The following ANKS1A variants were observed in gnomAD, a reference collection of about 807,000 sequenced individuals.
ANKS1A encodes ankyrin repeat and SAM domain-containing protein 1A.
A neutral mutation model predicts 120.3 loss-of-function variants in ANKS1A; 55 were observed. That is an observed-to-expected ratio of 0.46 (90% CI 0.37 to 0.57). The LOEUF is 0.57. Among genes scored for constraint, ANKS1A ranks in the 20% least tolerant of loss-of-function variants. ANKS1A has a pLI of 0.00. For synonymous variants in ANKS1A, 590 were observed against 604.7 expected (o/e 0.98, Z 0.36); for missense variants, 1,123 against 1,480.3 (o/e 0.76, Z 3.96).
At chr6:35,063,021 TTGTGA>T (rs930361612) in intron 13 of ANKS1A, among the ~76,000 whole-genome samples, 4 of 152,328 alleles carry the variant, frequency 2.6e-5, no homozygotes, top group African/African-American at 9.6e-5. Context: ...TATTCTCCTC[TTGTGA>T]TGTGGTGATT....
Position 34,981,852 on chromosome 6 carries a change from A to G in ANKS1A, c.598A>G (p.Met200Val). ...ALYGRLEVVKMLLNAHPNLLS... is the reference protein window; with the variant it reads ...ALYGRLEVVKVLLNAHPNLLS... ...GTACGGGCGACTGGAGGTGGTGAAA[A>G]TGCTCCTTAATGCACACCCCAACCT... The change falls in exon 4 of 24, where the codon ATG becomes GTG. Residue 200 changes from methionine (M) to valine (V), a missense_variant. Met to Val is a conservative substitution (Grantham distance 21). Transcript: ENST00000360359. 6.2e-7 allele frequency: 1 copy of G among 1,614,046 alleles called. No individual in the cohort carries two copies. Among genetic ancestry groups the G allele is most frequent in the Non-Finnish European group, 8.5e-7 (1 of 1,180,012 alleles).
intron 11 of ANKS1A, among the ~76,000 whole-genome samples, chr6:35,031,829 A>G (rs1055732718): frequency 1.3e-5 from 2 of 152,200 alleles, no homozygotes; most frequent in African/African-American, 4.8e-5. Flanking sequence ...CCCAGCCTCT[A>G]TAACTGGCCT....
chr6:34,990,793 T>A (rs941488010), intron 9 of ANKS1A, among the ~76,000 whole-genome samples: 70 of 152,174 alleles, frequency 4.6e-4, no homozygotes, highest in African/African-American at 1.7e-3. Context: ...TTCTAAAACT[T>A]GCTTCTGAAT....
At chr6:35,077,495 G>A (rs937068365) in intron 13 of ANKS1A, among the ~76,000 whole-genome samples, 6 of 152,238 alleles carry the variant, frequency 3.9e-5, no homozygotes, top group African/African-American at 9.6e-5. Flanking sequence ...AGGCCTGTCT[G>A]TGCCCAGCGG....
At position 34,985,298 on chromosome 6, in the gene ANKS1A, C is replaced by T. The variant is rs765422628; in HGVS notation, c.1209+20C>T. 1.2e-6 allele frequency: 2 copies of T among 1,609,172 alleles called. No homozygotes were observed. The highest frequency in any genetic ancestry group is 2.2e-5 in the South Asian group (2 of 90,380). On this transcript the variant is annotated intron_variant, in intron 8 of 23. Coordinates refer to ENST00000360359, the MANE Select transcript of ANKS1A (RefSeq NM_015245.3). ...AGGCCTGTATGTGACCCGGGGCTTACACCTCCTGGGGGCTGTGTTGGCTGG... is the reference window on the plus strand; with the variant it reads ...AGGCCTGTATGTGACCCGGGGCTTATACCTCCTGGGGGCTGTGTTGGCTGG...
rs1331352595 is a variant in ANKS1A at position 34,889,378 on chromosome 6, G to T, written c.-25G>T. 4.8e-6 allele frequency: 6 copies of T among 1,256,850 alleles called. No homozygotes were observed. Among genetic ancestry groups the T allele is most frequent in the Non-Finnish European group, 6.0e-6 (6 of 1,003,388 alleles). 77.9% of individuals were successfully genotyped at this position (1,256,850 alleles called of 1,614,324 possible). Reference sequence around the variant, plus strand: ...GGCTCGGCTGCAGCCTCGGGGAGGGGGTCCAGCGGGTGGCGGCCCTGGGGA... The same window carrying T: ...GGCTCGGCTGCAGCCTCGGGGAGGGTGTCCAGCGGGTGGCGGCCCTGGGGA... On this transcript the variant is annotated 5_prime_UTR_variant, in exon 1 of 24. Transcript: ENST00000360359. This position sits in a 1 kb window ranked among gnomAD's most constrained non-coding sequence, Gnocchi z 5.5.
chr6:34,928,667 T>C (rs1418757276), intron 1 of ANKS1A, among the ~76,000 whole-genome samples: 1 of 152,140 alleles, frequency 6.6e-6, no homozygotes, highest in Non-Finnish European at 1.5e-5. Flanking sequence ...ATGAGGAAAT[T>C]GAGGCACAGC....
At chr6:34,973,914 C>T (rs1329926721) in intron 3 of ANKS1A, among the ~76,000 whole-genome samples, 1 of 68,560 alleles carries the variant, frequency 1.5e-5, no homozygotes, top group Non-Finnish European at 2.8e-5. Context: ...CCTTCCCCTT[C>T]CCTTCCCCTT....
At chr6:35,062,197 C>A (rs1776543314) in intron 13 of ANKS1A, among the ~76,000 whole-genome samples, 1 of 152,212 alleles carries the variant, frequency 6.6e-6, no homozygotes, top group East Asian at 1.9e-4. Flanking sequence ...GCAGCTCAGT[C>A]CTTCCAGGGG....
In ANKS1A at chr6:35,060,726, A is replaced by T. The variant is rs778343649; in HGVS notation, c.2184+473A>T. Among the ~76,000 whole-genome samples, 55 of 152,310 alleles carry T rather than the reference A, an allele frequency of 3.6e-4. No homozygotes were observed. The highest frequency in any genetic ancestry group is 5.0e-4 in the Non-Finnish European group (34 of 68,026). On this transcript the variant is annotated intron_variant, in intron 13 of 23. Transcript: ENST00000360359. The surrounding 1 kb of genome is among the most constrained non-coding windows in gnomAD (Gnocchi z 4.5). ...GCCTTATATACCCGTGGCCTCAGAGATGGCCCAGAGGAAAGGCTGAGTTGA... is the reference window on the plus strand; with the variant it reads ...GCCTTATATACCCGTGGCCTCAGAGTTGGCCCAGAGGAAAGGCTGAGTTGA...
At chr6:35,002,823 T>G (rs1773242203) in intron 10 of ANKS1A, among the ~76,000 whole-genome samples, 1 of 151,904 alleles carries the variant, frequency 6.6e-6, no homozygotes, top group Non-Finnish European at 1.5e-5. Flanking sequence ...GTAGGATGAC[T>G]TAGTTGCCTA....
chr6:35,076,752 C>T (rs1777378009), intron 13 of ANKS1A, among the ~76,000 whole-genome samples: 1 of 152,130 alleles, frequency 6.6e-6, no homozygotes. Flanking sequence ...GCCTCAGCCT[C>T]CCGAGTAGCT....
chr6:35,085,992 G>C lies in ANKS1A; in HGVS notation c.3303+56G>C. 6.6e-7 allele frequency: 1 copy of C among 1,525,698 alleles called. No individual in the cohort carries two copies. Among genetic ancestry groups the C allele is most frequent in the African/African-American group, 1.4e-5 (1 of 72,660 alleles). 94.5% of individuals were successfully genotyped at this position (1,525,698 alleles called of 1,614,324 possible). A position where few individuals can be genotyped will look rare whatever the true frequency, so the allele number is the denominator to read the frequency against. On this transcript the variant is annotated intron_variant, in intron 22 of 23. Transcript: ENST00000360359. The surrounding 1 kb of genome is among the most constrained non-coding windows in gnomAD (Gnocchi z 4.7). ...TCTCCCTGGCCCCAGGGATTCAAGG[G>C]CTCAGGGTGGTCAGCGTGAGGAGGG...
chr6:34,980,370 G>A (rs895624801), intron 3 of ANKS1A, among the ~76,000 whole-genome samples: 12 of 152,064 alleles, frequency 7.9e-5, no homozygotes, highest in African/African-American at 2.7e-4. Flanking sequence ...CTTTGCCATC[G>A]TTCTCACCTT....
intron 1 of ANKS1A, among the ~76,000 whole-genome samples, chr6:34,910,344 T>G (rs939986481): frequency 2.0e-5 from 3 of 152,062 alleles, no homozygotes; most frequent in African/African-American, 7.2e-5. Flanking sequence ...GCGAGAGGAT[T>G]GCTCGAGCTC....
intron 1 of ANKS1A, among the ~76,000 whole-genome samples, chr6:34,957,372 G>T (rs1770425863): frequency 6.6e-6 from 1 of 152,166 alleles, no homozygotes; most frequent in South Asian, 2.1e-4. Flanking sequence ...CAACTGTTAA[G>T]TATGTAGAAA....
At chr6:35,078,266 A>G (rs1777469275) in intron 13 of ANKS1A, among the ~76,000 whole-genome samples, 3 of 152,012 alleles carry the variant, frequency 2.0e-5, no homozygotes, top group Non-Finnish European at 4.4e-5. Flanking sequence ...AAATGCACAC[A>G]CACTCAGGGG....
At chr6:35,052,093 T>C (rs1357991302) in intron 11 of ANKS1A, among the ~76,000 whole-genome samples, 2 of 152,090 alleles carry the variant, frequency 1.3e-5, no homozygotes, top group African/African-American at 4.8e-5. Context: ...GGCAGGAAGA[T>C]CACTTGAGCC....
rs535923957 is a variant in ANKS1A, at chr6:35,086,690, C to T, written c.3304-262C>T. Among the ~76,000 whole-genome samples the T allele has an allele frequency of 3.3e-5, 5 of 152,278 alleles. No homozygotes were observed. Among genetic ancestry groups the T allele is most frequent in the South Asian group, 2.1e-4 (1 of 4,826 alleles). On this transcript the variant is annotated intron_variant, in intron 22 of 23. Coordinates refer to ENST00000360359, the MANE Select transcript of ANKS1A (RefSeq NM_015245.3). This position sits in a 1 kb window ranked among gnomAD's most constrained non-coding sequence, Gnocchi z 5.1. ...GGTCTGGGGCTTAGAGCAGGAGGCC[C>T]GCCTAGGACAGGGGTCCTTTAACTG...
Sources: gnomAD v4.1 joint callset for allele counts (sites outside exome capture counted in the v4.1 genomes callset) on GRCh38, gnomAD v4.1.1 for gene constraint, Gnocchi (gnomAD v3.1) non-coding constraint, MANE v1.5 for transcripts, NCBI Gene and HGNC (gene_info 2026-07-23, HGNC 2026-07-21) for gene names.